The following BROX variants were observed in gnomAD, a reference collection of about 807,000 sequenced individuals.
BROX encodes BRO1 domain-containing protein BROX.
Under a neutral mutation model 61.0 loss-of-function variants are expected in BROX, and 53 were observed. The ratio of observed to expected loss-of-function variants is 0.87; its 90% CI spans 0.70 to 1.09. The LOEUF (loss-of-function observed/expected upper bound fraction) is 1.09, where lower values mean the gene tolerates loss of function less well. BROX is among the 50% of genes least tolerant of loss of function. The pLI, the probability that BROX is intolerant of heterozygous loss-of-function variation, is 0.00. For missense variants in BROX, 489 were observed against 472.0 expected (o/e 1.04, Z -0.33); for synonymous variants, 152 against 160.2 (o/e 0.95, Z 0.38).
intron 1 of BROX, among the ~76,000 whole-genome samples, chr1:222,714,309 T>G (rs535509006): frequency 6.6e-6 from 1 of 150,896 alleles, no homozygotes; most frequent in Non-Finnish European, 1.5e-5. Context: ...CCTCCTGGGT[T>G]CTCCTGCCTC....
rs777727113 is a variant in BROX at position 222,729,712 on chromosome 1, C to T, written c.838+11C>T. The T allele has an allele frequency of 2.5e-6, 4 of 1,603,186 alleles. No homozygotes were observed. The highest frequency in any genetic ancestry group is 3.4e-6 in the Non-Finnish European group (4 of 1,171,728). ...AAGAAGCAGAAAAATGTAAGTTTTC[C>T]TGCCAGAATATTAACTCCCCTTTAA... On this transcript the variant is annotated intron_variant, in intron 10 of 12. Coordinates refer to ENST00000340934, the MANE Select transcript of BROX (RefSeq NM_144695.4).
At chr1:222,720,627 C>T (rs927643442) in intron 4 of BROX, among the ~76,000 whole-genome samples, 3 of 152,120 alleles carry the variant, frequency 2.0e-5, no homozygotes, top group Admixed American at 6.5e-5. Context: ...GCCTGGCCAA[C>T]GTGGTAAAAC....
At chr1:222,720,367 A>G (rs1472511138) in intron 4 of BROX, among the ~76,000 whole-genome samples, 1 of 152,128 alleles carries the variant, frequency 6.6e-6, no homozygotes, top group African/African-American at 2.4e-5. Context: ...AATGTGACCC[A>G]TTTGTTTTTA....
chr1:222,718,136 A>C (rs1656776504), intron 2 of BROX: 1 of 152,220 alleles, frequency 6.6e-6, no homozygotes. Flanking sequence ...CCAAAGACTG[A>C]ACATTTCTGG....
chr1:222,729,162 A>G (rs1657744522), intron 9 of BROX, among the ~76,000 whole-genome samples: 1 of 152,208 alleles, frequency 6.6e-6, no homozygotes, highest in African/African-American at 2.4e-5. Flanking sequence ...ATCACACAAT[A>G]TATCACCTAG....
Position 222,719,267 on chromosome 1 carries a change from C to T in BROX, c.213C>T (p.Phe71=). The change falls in exon 4 of 13, where the codon TTC becomes TTT. Residue 71 remains phenylalanine (F), a synonymous_variant. Coordinates refer to ENST00000340934, the MANE Select transcript of BROX (RefSeq NM_144695.4). ...ADSYFSLLQG[F]INSLDESTQE... ...ATGTCTTGTACTTTTCTATAGGTTT[C>T]ATAAATTCTTTGGATGAATCTACCC... 1 of 1,578,678 alleles carries T rather than the reference C, an allele frequency of 6.3e-7. No homozygotes were observed. The highest frequency in any genetic ancestry group is 8.7e-7 in the Non-Finnish European group (1 of 1,148,344).
chr1:222,719,627 G>T (rs570071599), intron 4 of BROX, among the ~76,000 whole-genome samples: 84 of 152,280 alleles, frequency 5.5e-4, no homozygotes, highest in Non-Finnish European at 9.1e-4. Context: ...ACACACAAAG[G>T]ATGATTTGAG....
intron 10 of BROX, 124 bp downstream of exon 10, chr1:222,729,825 A>G: frequency 9.2e-7 from 1 of 1,081,548 alleles, no homozygotes; most frequent in Non-Finnish European, 1.3e-6. Context: ...TGGGTGACAT[A>G]ATTGGAGAAA....
chr1:222,728,363 G>T (rs936848910), intron 8 of BROX, among the ~76,000 whole-genome samples: 1 of 152,150 alleles, frequency 6.6e-6, no homozygotes, highest in African/African-American at 2.4e-5. Flanking sequence ...GTAGAGAGGA[G>T]AGTATCCTAT....
Position 222,728,782 on chromosome 1 carries a change from A to G in BROX, c.710A>G (p.Lys237Arg). ...LSSLEPAYSA[K>R]WRKYLHLKMC... ...AGTTTGGAGCCTGCATATTCTGCCA[A>G]ATGGAGAAAATATCTTCACTTGAAG... The change falls in exon 9 of 13, where the codon AAA becomes AGA. Residue 237 changes from lysine (K) to arginine (R), a missense_variant. By Grantham distance (26) the Lys-to-Arg change is conservative. Coordinates refer to ENST00000340934, the MANE Select transcript of BROX (RefSeq NM_144695.4). The G allele has an allele frequency of 6.2e-7, 1 of 1,603,510 alleles. No individual in the cohort carries two copies. Among genetic ancestry groups the G allele is most frequent in the Non-Finnish European group, 8.5e-7 (1 of 1,172,216 alleles).
At chr1:222,730,002 GA>G (rs765576229) in intron 10 of BROX, 24 bp from the exon 11 acceptor site, 68 of 1,581,100 alleles carry the variant, frequency 4.3e-5, no homozygotes, top group Non-Finnish European at 5.4e-5. Context: ...ATAATCAAAA[GA>G]CTTTAAATCT....
intron 6 of BROX, among the ~76,000 whole-genome samples, chr1:222,725,100 A>G (rs1458112432): frequency 2.0e-5 from 3 of 151,912 alleles, no homozygotes; most frequent in African/African-American, 7.2e-5. Context: ...GCCTCTTTAT[A>G]TCTTTAATTA....
chr1:222,724,660 C>A (rs1657366310), intron 6 of BROX, among the ~76,000 whole-genome samples: 8 of 152,250 alleles, frequency 5.3e-5, no homozygotes, highest in Middle Eastern at 3.4e-3. Flanking sequence ...TAAACAATGT[C>A]CCCCTACGTC....
intron 7 of BROX, 126 bp downstream of exon 7, chr1:222,725,681 G>A: frequency 1.6e-6 from 1 of 635,192 alleles, no homozygotes; most frequent in Middle Eastern, 4.0e-4. Context: ...AGGTCTAGGT[G>A]GGCAGCTCAC....
intron 2 of BROX, among the ~76,000 whole-genome samples, chr1:222,716,757 A>C (rs574809739): frequency 5.9e-5 from 9 of 152,244 alleles, no homozygotes; most frequent in Non-Finnish European, 1.3e-4. Context: ...TTTCCAAAAA[A>C]ATATTTGAGT....
rs776481981 is a variant in BROX, at chr1:222,719,308, G to A, written c.254G>A (p.Arg85Gln). ...GAATCTACCCAAGAAAGCAAGTTACGATATATTCAAAATTTCAAGTGGACT... is the reference window on the plus strand; with the variant it reads ...GAATCTACCCAAGAAAGCAAGTTACAATATATTCAAAATTTCAAGTGGACT... The part of the protein sequence containing the change: ...LDESTQESKL[R>Q]YIQNFKWTDT... Residue 85 changes from arginine to glutamine, a missense_variant, in exon 4 of 13, where the codon CGA becomes CAA. Arg to Gln is a conservative substitution (Grantham distance 43). Transcript: ENST00000340934. 13 of 1,608,974 alleles carry A rather than the reference G, an allele frequency of 8.1e-6. No homozygotes were observed. The highest frequency in any genetic ancestry group is 2.2e-5 in the East Asian group (1 of 44,782).
chr1:222,724,284 T>C, intron 6 of BROX, 120 bp downstream of exon 6: 2 of 771,988 alleles, frequency 2.6e-6, no homozygotes, highest in Non-Finnish European at 4.1e-6. Flanking sequence ...TACTATGTGT[T>C]CTGTTTTCCT....
Position 222,728,791 on chromosome 1 carries a change from A to G in BROX, c.719A>G (p.Lys240Arg). The G allele has an allele frequency of 6.2e-7, 1 of 1,603,100 alleles. No homozygotes were observed. Among genetic ancestry groups the G allele is most frequent in the Non-Finnish European group, 8.5e-7 (1 of 1,171,800 alleles). ...CCTGCATATTCTGCCAAATGGAGAA[A>G]ATATCTTCACTTGAAGATGTGTTTC... ...LEPAYSAKWRKYLHLKMCFYT... is the reference protein window; with the variant it reads ...LEPAYSAKWRRYLHLKMCFYT... The change falls in exon 9 of 13, where the codon AAA (lysine) becomes AGA (arginine). Residue 240 changes from lysine to arginine, a missense_variant. Physicochemically the swap from Lys to Arg is conservative, Grantham distance 26. Coordinates refer to ENST00000340934, the MANE Select transcript of BROX (RefSeq NM_144695.4).
intron 8 of BROX, 89 bp downstream of exon 8, chr1:222,727,346 C>A: frequency 1.1e-6 from 1 of 918,128 alleles, no homozygotes; most frequent in Non-Finnish European, 1.7e-6. Context: ...AAAGGGTTCT[C>A]AGATTCTGTC....
Sources: allele counts gnomAD v4.1 joint callset (sites outside exome capture counted in the v4.1 genomes callset), GRCh38; gene constraint gnomAD v4.1.1; transcripts MANE v1.5; gene names NCBI Gene and HGNC (gene_info 2026-07-23, HGNC 2026-07-21).